MCC: variants seen among roughly 807,000 people sequenced by gnomAD.
MCC encodes colorectal mutant cancer protein.
MCC carries 90 observed loss-of-function variants against 116.2 expected under a neutral mutation model. That is an observed-to-expected ratio of 0.77 (90% CI 0.65 to 0.92). The LOEUF (loss-of-function observed/expected upper bound fraction) is 0.92. MCC is among the 40% of genes least tolerant of loss of function. The pLI, the probability that MCC is intolerant of heterozygous loss-of-function variation, is 0.00. For missense variants in MCC, 1,516 were observed against 1,312.2 expected, an observed-to-expected ratio of 1.16 and a Z score of -2.40; for synonymous variants, 578 against 510.5, an observed-to-expected ratio of 1.13 and a Z score of -1.78.
intron 2 of MCC, among the ~76,000 whole-genome samples, chr5:113,341,218 TTC>T (rs1768002273): frequency 6.6e-6 from 1 of 152,206 alleles, no homozygotes; most frequent in South Asian, 2.1e-4. Flanking sequence ...CTCTCTTTCT[TTC>T]TCTGTTTCTT....
chr5:113,243,429 C>T (rs1441561845), intron 3 of MCC, among the ~76,000 whole-genome samples: 2 of 152,208 alleles, frequency 1.3e-5, no homozygotes, highest in Non-Finnish European at 2.9e-5. Context: ...GGACTACTGT[C>T]TCTCACCTTG....
chr5:113,178,272 G>A lies in MCC; in HGVS notation c.628-26850C>T, dbSNP rs535831131. On this transcript the variant is annotated intron_variant, in intron 3 of 18. Transcript: ENST00000408903. ...TTATGGAACCAGATAAGGCAGTGGC[G>A]AGTGGACCATCTCAGTAGCTCTGAG... Among the ~76,000 whole-genome samples the A allele has an allele frequency of 3.9e-5, 6 of 152,314 alleles. No individual in the cohort carries two copies. In the South Asian group the frequency reaches 8.3e-4, roughly 21 times the overall value.
At chr5:113,205,898 G>A (rs1295025381) in intron 3 of MCC, among the ~76,000 whole-genome samples, 1 of 152,176 alleles carries the variant, frequency 6.6e-6, no homozygotes, top group African/African-American at 2.4e-5. Context: ...GGAGGCCAGG[G>A]CATTTCTATA....
chr5:113,238,031 G>C (rs887289133), intron 3 of MCC, among the ~76,000 whole-genome samples: 1 of 152,192 alleles, frequency 6.6e-6, no homozygotes, highest in Admixed American at 6.5e-5. Context: ...ACCAAAGAGA[G>C]CTCAAAAATT....
At chr5:113,247,699 T>C (rs1395682486) in intron 3 of MCC, among the ~76,000 whole-genome samples, 1 of 152,024 alleles carries the variant, frequency 6.6e-6, no homozygotes, top group Non-Finnish European at 1.5e-5. Flanking sequence ...CAGATGGATG[T>C]AACAAAGGAC....
intron 3 of MCC, among the ~76,000 whole-genome samples, chr5:113,161,630 G>A (rs1169641661): frequency 7.8e-3 from 27 of 3,460 alleles, no homozygotes; most frequent in East Asian, 0.12. Flanking sequence ...ATGTGTGTGT[G>A]TGTGTGTGTG....
intron 17 of MCC, among the ~76,000 whole-genome samples, chr5:113,030,120 A>G (rs976588322): frequency 3.9e-5 from 6 of 152,210 alleles, no homozygotes; most frequent in African/African-American, 1.4e-4. Flanking sequence ...TGTAGAATGT[A>G]AATTTGCATG....
chr5:113,040,003 G>C (rs1751590684), intron 17 of MCC, among the ~76,000 whole-genome samples: 1 of 151,702 alleles, frequency 6.6e-6, no homozygotes, highest in South Asian at 2.1e-4. Flanking sequence ...CACACAGGCT[G>C]GATGGACAAG....
intron 3 of MCC, among the ~76,000 whole-genome samples, chr5:113,276,666 G>A (rs1765834835): frequency 6.6e-6 from 1 of 152,060 alleles, no homozygotes; most frequent in African/African-American, 2.4e-5. Flanking sequence ...TGGCTCTGTT[G>A]CCCAGGCTGG....
At chr5:113,094,946 G>A (rs889387547) in intron 8 of MCC, among the ~76,000 whole-genome samples, 1 of 152,172 alleles carries the variant, frequency 6.6e-6, no homozygotes, top group Admixed American at 6.5e-5. Context: ...AGAGGTCAAA[G>A]AACCAGGGTT....
At chr5:113,403,631 C>G (rs536111511) in intron 1 of MCC, among the ~76,000 whole-genome samples, 20 of 152,146 alleles carry the variant, frequency 1.3e-4, no homozygotes, top group African/African-American at 4.6e-4. Context: ...AAAGTTCCAG[C>G]CGGAGTAATA....
At chr5:113,409,549 A>AT (rs1185161963) in intron 1 of MCC, among the ~76,000 whole-genome samples, 31 of 152,044 alleles carry the variant, frequency 2.0e-4, no homozygotes, top group Admixed American at 9.8e-4. Context: ...ATGGGGTCTC[A>AT]CTATGTAGCC....
intron 5 of MCC, among the ~76,000 whole-genome samples, chr5:113,142,972 C>G (rs539664704): frequency 1.3e-5 from 2 of 152,192 alleles, no homozygotes; most frequent in African/African-American, 4.8e-5. Context: ...ACCTTGTCTA[C>G]TTTCCAGGGC....
At chr5:113,257,366 C>A (rs1033252020) in intron 3 of MCC, among the ~76,000 whole-genome samples, 1 of 151,870 alleles carries the variant, frequency 6.6e-6, no homozygotes, top group African/African-American at 2.4e-5. Context: ...CTCCAAGGAA[C>A]CCAGGAATAA....
intron 3 of MCC, among the ~76,000 whole-genome samples, chr5:113,325,001 TA>T (rs1200370198): frequency 1.7e-3 from 235 of 141,738 alleles, no homozygotes; most frequent in Middle Eastern, 7.2e-3. Context: ...CCCAGCTAAT[TA>T]AAAAAAAAAA....
intron 3 of MCC, among the ~76,000 whole-genome samples, chr5:113,161,620 A>ATGTGTGTGTGTGTGTGTGTG (rs57962617): frequency 1.3e-5 from 2 of 148,338 alleles, no homozygotes; most frequent in African/African-American, 5.0e-5. Flanking sequence ...GTTTAGATTT[A>ATGTGTGTGTGTGTGTGTGTG]TGTGTGTGTG....
intron 3 of MCC, among the ~76,000 whole-genome samples, chr5:113,172,606 C>T (rs1761130555): frequency 6.6e-6 from 1 of 152,222 alleles, no homozygotes; most frequent in South Asian, 2.1e-4. Flanking sequence ...AAAGACTCCA[C>T]CCATGGCCAT....
chr5:113,125,014 C>G (rs75724484), intron 5 of MCC, among the ~76,000 whole-genome samples: 9,196 of 152,250 alleles, frequency 0.06, 356 homozygotes, highest in East Asian at 0.11. Context: ...GGCAAAGGCT[C>G]AGAGGAGCTG....
intron 2 of MCC, among the ~76,000 whole-genome samples, chr5:113,380,164 A>G (rs937061119): frequency 2.0e-5 from 3 of 152,236 alleles, no homozygotes; most frequent in African/African-American, 7.2e-5. Context: ...GAGGCTGACA[A>G]TAAACTTCTT....
Sources: gnomAD v4.1 joint callset for allele counts (sites outside exome capture counted in the v4.1 genomes callset) on GRCh38, gnomAD v4.1.1 for gene constraint, MANE v1.5 for transcripts, NCBI Gene and HGNC (gene_info 2026-07-23, HGNC 2026-07-21) for gene names.